CLIP1: variants seen among roughly 807,000 people sequenced by gnomAD.
CLIP1 encodes the protein CAP-Gly domain containing linker protein 1.
A neutral mutation model predicts 161.6 loss-of-function variants in CLIP1; 66 were observed. That is an observed-to-expected ratio of 0.41 (90% CI 0.33 to 0.50). The LOEUF (loss-of-function observed/expected upper bound fraction) is 0.50, where lower values mean the gene tolerates loss of function less well. Ranked by LOEUF, CLIP1 falls within the 20% of genes least tolerant of loss-of-function variation. The pLI, the probability that CLIP1 is intolerant of heterozygous loss-of-function variation, is 0.27. For synonymous variants in CLIP1, 598 were observed against 626.2 expected, an observed-to-expected ratio of 0.96 and a Z score of 0.67; for missense variants, 1,376 against 1,702.0, an observed-to-expected ratio of 0.81 and a Z score of 3.37.
intron 15 of CLIP1, 73 bp from the exon 16 acceptor site, chr12:122,328,499 A>G (rs779653791): frequency 2.5e-6 from 2 of 794,608 alleles, no homozygotes; most frequent in East Asian, 3.2e-5. Context: ...ATTAAAATAT[A>G]CTATTAATAA....
At chr12:122,348,617 A>G (rs1028253887) in intron 9 of CLIP1, among the ~76,000 whole-genome samples, 3 of 152,210 alleles carry the variant, frequency 2.0e-5, no homozygotes, top group Non-Finnish European at 4.4e-5. Context: ...GAAATAATCT[A>G]GGTCCAAATG....
At chr12:122,293,003 A>T (rs1195343272) in intron 20 of CLIP1, among the ~76,000 whole-genome samples, 1 of 118,700 alleles carries the variant, frequency 8.4e-6, no homozygotes, top group African/African-American at 4.0e-5. Context: ...ACTCTGTCTC[A>T]AAAAAAAAAA....
At chr12:122,344,833 A>G (rs1460227736) in intron 10 of CLIP1, among the ~76,000 whole-genome samples, 2 of 152,338 alleles carry the variant, frequency 1.3e-5, no homozygotes, top group Non-Finnish European at 2.9e-5. Flanking sequence ...AAAAAGTAAC[A>G]TAGGTGATAT....
intron 15 of CLIP1, among the ~76,000 whole-genome samples, chr12:122,330,606 T>TTTTTGTTTTTTTTTTTTTTTTG (rs1951909374): frequency 2.1e-5 from 3 of 141,152 alleles, no homozygotes; most frequent in African/African-American, 8.1e-5. Flanking sequence ...AGTTTTTTTT[T>TTTTTGTTTTTTTTTTTTTTTTG]TTTTTTTTTT....
intron 20 of CLIP1, among the ~76,000 whole-genome samples, chr12:122,302,316 G>C (rs905986953): frequency 6.6e-6 from 1 of 152,080 alleles, no homozygotes; most frequent in South Asian, 2.1e-4. Context: ...TGGTGAGGCT[G>C]GTCTTGAACT....
Position 122,340,776 on chromosome 12 carries a change from C to A in CLIP1, c.2428G>T (p.Glu810Ter). 1 of 1,583,308 alleles carries A rather than the reference C, an allele frequency of 6.3e-7. No individual in the cohort carries two copies. Among genetic ancestry groups the A allele is most frequent in the Non-Finnish European group, 8.6e-7 (1 of 1,165,968 alleles). Residue 810 changes from glutamate to a stop codon, truncating the protein, a stop_gained, in exon 11 of 26, where the codon GAA becomes TAA. Coordinates refer to ENST00000620786, the MANE Select transcript of CLIP1 (RefSeq NM_001247997.2). LOFTEE classifies it high-confidence loss of function. ...AEKQIKHLEI[E>*]KNAESSKASS... The stretch of plus-strand genomic sequence containing the variant: ...ACCTTGCTACTTTCAGCATTCTTTT[C>A]AATCTCTAAATGTTTAATCTGTTTC...
Position 122,279,258 on chromosome 12 carries a change from A to C in CLIP1, c.3648-113T>G. Reference sequence around the variant, plus strand: ...TTAGTTAATGTAAAAAAAAAAATATAACAGGGAAGTTTTATAGGGAGTTAA... The same window carrying C: ...TTAGTTAATGTAAAAAAAAAAATATCACAGGGAAGTTTTATAGGGAGTTAA... On this transcript the variant is annotated intron_variant, in intron 21 of 25. Coordinates refer to ENST00000620786, the MANE Select transcript of CLIP1 (RefSeq NM_001247997.2). This position sits in a 1 kb window ranked among gnomAD's most constrained non-coding sequence, Gnocchi z 4.5. The C allele has an allele frequency of 1.4e-6, 1 of 703,978 alleles. No individual in the cohort carries two copies. The highest frequency in any genetic ancestry group is 2.3e-5 in the South Asian group (1 of 43,602). 43.6% of individuals were successfully genotyped at this position (703,978 alleles called of 1,614,324 possible).
chr12:122,334,707 T>A lies in CLIP1; in HGVS notation c.2569-2A>T. The A allele has an allele frequency of 3.2e-6, 5 of 1,555,924 alleles. No homozygotes were observed. Among genetic ancestry groups the A allele is most frequent in the Non-Finnish European group, 8.8e-7 (1 of 1,141,822 alleles). On this transcript the variant is annotated splice_acceptor_variant, in intron 12 of 25. Coordinates refer to ENST00000620786, the MANE Select transcript of CLIP1 (RefSeq NM_001247997.2). LOFTEE classifies it high-confidence loss of function. ...TGAAGCTTCAGCAAACTTTTCTTTCTAAAGAAAAAGAATGAGAGATTCTGA... is the reference window on the plus strand; with the variant it reads ...TGAAGCTTCAGCAAACTTTTCTTTCAAAAGAAAAAGAATGAGAGATTCTGA...
At chr12:122,379,943 T>TAAAAAAAAAAAAAAAAAAAAAAC (rs1566198620) in intron 2 of CLIP1, among the ~76,000 whole-genome samples, 1 of 70,418 alleles carries the variant, frequency 1.4e-5, no homozygotes, top group Non-Finnish European at 2.9e-5. Context: ...GACTCCATCT[T>TAAAAAAAAAAAAAAAAAAAAAAC]TAAAAAAAAA....
chr12:122,406,746 A>C (rs1251285291), intron 1 of CLIP1, among the ~76,000 whole-genome samples: 1 of 152,168 alleles, frequency 6.6e-6, no homozygotes, highest in Non-Finnish European at 1.5e-5. Flanking sequence ...GGACAGGATT[A>C]AAAACTAACC....
intron 1 of CLIP1, among the ~76,000 whole-genome samples, chr12:122,384,479 A>G (rs4082651): frequency 0.99 from 150,901 of 152,260 alleles, 74,794 homozygotes; most frequent in East Asian, 1. Context: ...TGGCACTCGA[A>G]GGCCGGGCGC....
chr12:122,287,753 GAGTA>G (rs1307754196), intron 21 of CLIP1, among the ~76,000 whole-genome samples: 2 of 152,124 alleles, frequency 1.3e-5, no homozygotes, highest in Non-Finnish European at 1.5e-5. Flanking sequence ...TATCATGGGA[GAGTA>G]AGTAAGAAAG....
At chr12:122,306,052 TAAA>T (rs544566972) in intron 20 of CLIP1, among the ~76,000 whole-genome samples, 4 of 127,724 alleles carry the variant, frequency 3.1e-5, no homozygotes, top group African/African-American at 2.9e-5. Context: ...AGACTCCATC[TAAA>T]AAAAAAAAAA....
intron 1 of CLIP1, among the ~76,000 whole-genome samples, chr12:122,403,972 C>T (rs940502136): frequency 7.9e-5 from 12 of 152,198 alleles, no homozygotes; most frequent in African/African-American, 2.7e-4. Flanking sequence ...GCCCTAACAA[C>T]AGTTCCGTGA....
intron 20 of CLIP1, among the ~76,000 whole-genome samples, chr12:122,290,959 C>G (rs116377088): frequency 0.067 from 10,130 of 150,776 alleles, 363 homozygotes; most frequent in Middle Eastern, 0.12. Context: ...ATGGCCCTAC[C>G]TCAGCTCACT....
chr12:122,326,608 G>A (rs929464547), intron 17 of CLIP1, among the ~76,000 whole-genome samples: 1 of 152,194 alleles, frequency 6.6e-6, no homozygotes, highest in Non-Finnish European at 1.5e-5. Context: ...GAGCCCGAGA[G>A]GTTGAGGCTG....
intron 1 of CLIP1, among the ~76,000 whole-genome samples, chr12:122,414,862 G>C (rs745403736): frequency 2.0e-5 from 3 of 151,906 alleles, no homozygotes; most frequent in African/African-American, 7.3e-5. Flanking sequence ...TTTGAGTTCC[G>C]CCTATATGGG....
intron 1 of CLIP1, among the ~76,000 whole-genome samples, chr12:122,394,523 G>C (rs1423510899): frequency 6.7e-6 from 1 of 150,320 alleles, no homozygotes; most frequent in Non-Finnish European, 1.5e-5. Flanking sequence ...GATGGAAAGG[G>C]ACAATTTATC....
At chr12:122,281,139 C>A (rs1352873368) in intron 21 of CLIP1, among the ~76,000 whole-genome samples, 1 of 152,180 alleles carries the variant, frequency 6.6e-6, no homozygotes, top group Non-Finnish European at 1.5e-5. Flanking sequence ...CATTGTGTGG[C>A]TTACACTTAC....
Sources: gnomAD v4.1 joint callset for allele counts (sites outside exome capture counted in the v4.1 genomes callset) on GRCh38, gnomAD v4.1.1 for gene constraint, Gnocchi (gnomAD v3.1) non-coding constraint, MANE v1.5 for transcripts, NCBI Gene and HGNC (gene_info 2026-07-23, HGNC 2026-07-21) for gene names.